CADM1: variants seen among roughly 807,000 people sequenced by gnomAD.
CADM1 encodes the protein TSLC-1.
CADM1 carries 15 observed loss-of-function variants against 53.1 expected under a neutral mutation model. The observed-to-expected ratio is 0.28, with a 90% CI of 0.19 to 0.44. The LOEUF (loss-of-function observed/expected upper bound fraction) is 0.44. CADM1 is among the 20% of genes least tolerant of loss of function. The pLI is 1.00. For missense variants in CADM1, 434 were observed against 611.3 expected (o/e 0.71, Z 3.06); for synonymous variants, 281 against 243.0 (o/e 1.16, Z -1.45).
At chr11:115,421,098 A>G (rs1256267316) in intron 1 of CADM1, among the ~76,000 whole-genome samples, 1 of 152,174 alleles carries the variant, frequency 6.6e-6, no homozygotes, top group Non-Finnish European at 1.5e-5. Context: ...TATTTTCTAC[A>G]GTGGGTCTAT....
chr11:115,471,370 G>A (rs144603515), intron 1 of CADM1, among the ~76,000 whole-genome samples: 16 of 152,288 alleles, frequency 1.1e-4, no homozygotes, highest in Admixed American at 8.5e-4. Context: ...AGACTGCCTC[G>A]AGGAAGTGAA....
rs116746008 is a variant in CADM1, at chr11:115,447,682, C to A, written c.124+56589G>T. ...GCCTGGATCCTGCAGAGCAGAGCAG[C>A]CAGGAGCAAACGGTGGCTGGTAGCT... On this transcript the variant is annotated intron_variant, in intron 1 of 11. Transcript: ENST00000331581. Among the ~76,000 whole-genome samples the A allele has an allele frequency of 2.1e-3, 315 of 152,236 alleles. 1 individual carries two copies. Among genetic ancestry groups the A allele is most frequent in the African/African-American group, 6.8e-3 (281 of 41,552 alleles).
intron 1 of CADM1, among the ~76,000 whole-genome samples, chr11:115,278,865 A>C (rs1356032720): frequency 6.6e-6 from 1 of 152,194 alleles, no homozygotes; most frequent in Non-Finnish European, 1.5e-5. Context: ...TTGATCACAA[A>C]ATGGTGGTGA....
At chr11:115,487,242 A>G (rs1358848481) in intron 1 of CADM1, among the ~76,000 whole-genome samples, 5 of 152,326 alleles carry the variant, frequency 3.3e-5, no homozygotes, top group Non-Finnish European at 5.9e-5. Flanking sequence ...CTCTTGTTGA[A>G]ATGGTAGAGT....
chr11:115,318,572 G>A (rs755786106), intron 1 of CADM1, among the ~76,000 whole-genome samples: 1 of 152,152 alleles, frequency 6.6e-6, no homozygotes, highest in Non-Finnish European at 1.5e-5. Flanking sequence ...ACTTCAATCA[G>A]ACTACATGAA....
Position 115,188,653 on chromosome 11 carries a change from C to T in CADM1, c.1165+2235G>A, listed in dbSNP as rs567078950. 5.3e-5 allele frequency among the ~76,000 whole-genome samples: 8 copies of T among 152,228 alleles called. No individual in the cohort carries two copies. In the South Asian group the frequency reaches 1.2e-3, roughly 24 times the overall value. ...AGGGAATGGATGATATTATTCATTACCACAGTTTAGCATTAAATGTGCAAC... is the reference window on the plus strand; with the variant it reads ...AGGGAATGGATGATATTATTCATTATCACAGTTTAGCATTAAATGTGCAAC... On this transcript the variant is annotated intron_variant, in intron 10 of 11. Transcript: ENST00000331581.
chr11:115,461,850 G>C lies in CADM1; in HGVS notation c.124+42421C>G, dbSNP rs540833383. On this transcript the variant is annotated intron_variant, in intron 1 of 11. Coordinates refer to ENST00000331581, the MANE Select transcript of CADM1 (RefSeq NM_001301043.2). ...GGGACTCCCAGGGGTAGCAGGAACA[G>C]CAGGTAGTTGACAATGCAGTTCAGG... 4.6e-5 allele frequency among the ~76,000 whole-genome samples: 7 copies of C among 152,226 alleles called. No homozygotes were observed. The East Asian group carries it at 1.4e-3, about 29-fold the overall frequency.
At chr11:115,222,024 CTCT>C (rs888358188) in intron 5 of CADM1, among the ~76,000 whole-genome samples, 1 of 152,184 alleles carries the variant, frequency 6.6e-6, no homozygotes, top group African/African-American at 2.4e-5. Flanking sequence ...GGGACACAGG[CTCT>C]TCTTCATGTT....
chr11:115,244,949 C>A (rs1022972946), intron 1 of CADM1, among the ~76,000 whole-genome samples: 1 of 152,188 alleles, frequency 6.6e-6, no homozygotes, highest in Non-Finnish European at 1.5e-5. Context: ...TTTGCCAGCA[C>A]CACAAGCTCT....
chr11:115,431,212 T>C (rs1475903984), intron 1 of CADM1, among the ~76,000 whole-genome samples: 3 of 152,182 alleles, frequency 2.0e-5, no homozygotes, highest in African/African-American at 7.2e-5. Context: ...AAAATAAGGA[T>C]TATTTCGTGT....
intron 1 of CADM1, among the ~76,000 whole-genome samples, chr11:115,331,654 T>A (rs935846443): frequency 2.0e-5 from 3 of 152,082 alleles, no homozygotes; most frequent in African/African-American, 7.2e-5. Flanking sequence ...ATTCACACAG[T>A]CCAGTTCCTA....
At chr11:115,344,647 G>A (rs1945531064) in intron 1 of CADM1, among the ~76,000 whole-genome samples, 1 of 152,128 alleles carries the variant, frequency 6.6e-6, no homozygotes. Context: ...GTCAGGGTGT[G>A]AGATGAGGCC....
rs1221918138 is a variant in CADM1, at chr11:115,174,444, T to A, written c.*2030A>T. Reference sequence around the variant, plus strand: ...ATTATAAAATTCATTGAAAAAGGGATGTTCATTGTGGCTTTTTGTCTTGGT... The same window carrying A: ...ATTATAAAATTCATTGAAAAAGGGAAGTTCATTGTGGCTTTTTGTCTTGGT... On this transcript the variant is annotated 3_prime_UTR_variant, in exon 12 of 12. Coordinates refer to ENST00000331581, the MANE Select transcript of CADM1 (RefSeq NM_001301043.2). 1 of 985,658 alleles carries A rather than the reference T, an allele frequency of 1.0e-6. No homozygotes were observed. Among genetic ancestry groups the A allele is most frequent in the Non-Finnish European group, 1.2e-6 (1 of 829,874 alleles). 61.1% of individuals were successfully genotyped at this position (985,658 alleles called of 1,614,324 possible).
chr11:115,200,566 GCT>G (rs1565293605), intron 8 of CADM1, among the ~76,000 whole-genome samples: 9 of 152,108 alleles, frequency 5.9e-5, no homozygotes, highest in Non-Finnish European at 8.8e-5. Context: ...CGTGATCTTG[GCT>G]CACCGCAACC....
intron 1 of CADM1, among the ~76,000 whole-genome samples, chr11:115,410,652 A>C (rs1350370664): frequency 6.6e-6 from 1 of 152,244 alleles, no homozygotes; most frequent in East Asian, 1.9e-4. Flanking sequence ...GATGTTTAAA[A>C]AAAGGGAAAT....
intron 1 of CADM1, among the ~76,000 whole-genome samples, chr11:115,458,953 G>A (rs1457355499): frequency 2.0e-5 from 3 of 152,008 alleles, no homozygotes; most frequent in East Asian, 3.9e-4. Context: ...TGCATACAAC[G>A]CATAGCAAGG....
chr11:115,403,885 T>G (rs1385318656), intron 1 of CADM1, among the ~76,000 whole-genome samples: 1 of 151,654 alleles, frequency 6.6e-6, no homozygotes, highest in Non-Finnish European at 1.5e-5. Context: ...ACATGAGACA[T>G]TGTGCCCGGC....
chr11:115,257,113 G>A (rs540099025), intron 1 of CADM1, among the ~76,000 whole-genome samples: 1 of 152,150 alleles, frequency 6.6e-6, no homozygotes, highest in East Asian at 1.9e-4. Context: ...TGTATAAGAT[G>A]CCAAAATCAA....
intron 1 of CADM1, among the ~76,000 whole-genome samples, chr11:115,295,298 CCTCT>C (rs1342160304): frequency 6.6e-6 from 1 of 151,418 alleles, no homozygotes; most frequent in Non-Finnish European, 1.5e-5. Flanking sequence ...TTCCTTCTGG[CCTCT>C]CTCTAAGTTA....
Sources: allele counts gnomAD v4.1 joint callset (sites outside exome capture counted in the v4.1 genomes callset), GRCh38; gene constraint gnomAD v4.1.1; transcripts MANE v1.5; gene names NCBI Gene and HGNC (gene_info 2026-07-23, HGNC 2026-07-21).